Variants in SLC24A2 observed in about 807,000 individuals in gnomAD.
SLC24A2 encodes sodium/potassium/calcium exchanger 2.
In SLC24A2, 36 loss-of-function variants were observed where a neutral mutation model predicts 62.0. The ratio of observed to expected loss-of-function variants is 0.58; its 90% confidence interval spans 0.44 to 0.77. The LOEUF (loss-of-function observed/expected upper bound fraction) is 0.77. Ranked by LOEUF, SLC24A2 falls within the 30% of genes least tolerant of loss-of-function variation. SLC24A2 has a pLI of 0.00. For missense variants in SLC24A2, 846 were observed against 817.9 expected (o/e 1.03, Z -0.42); for synonymous variants, 358 against 294.0 (o/e 1.22, Z -2.23).
the SLC24A2 span, among the ~76,000 whole-genome samples, chr9:20,120,001 A>C: frequency 2.0e-5 from 3 of 152,186 alleles, no homozygotes; most frequent in African/African-American, 7.2e-5. Flanking sequence ...GAGCATCGGC[A>C]GGGCTGTGTT....
the SLC24A2 span, among the ~76,000 whole-genome samples, chr9:19,828,229 G>C: frequency 6.6e-6 from 1 of 152,120 alleles, no homozygotes; most frequent in South Asian, 2.1e-4. Flanking sequence ...GCACAACAGA[G>C]TGACCATCGT....
intron 5 of SLC24A2, among the ~76,000 whole-genome samples, chr9:19,592,856 T>TATCA (rs1394585927): frequency 1.3e-5 from 2 of 152,226 alleles, no homozygotes; most frequent in Non-Finnish European, 2.9e-5. Flanking sequence ...AAATATGCAG[T>TATCA]ATCACTGTAT....
chr9:19,766,127 C>T (rs529108754), intron 2 of SLC24A2, among the ~76,000 whole-genome samples: 30 of 152,238 alleles, frequency 2.0e-4, no homozygotes, highest in African/African-American at 7.0e-4. Flanking sequence ...AGTTCTTGTG[C>T]TGTGTTTTTC....
chr9:19,911,960 G>A, the SLC24A2 span, among the ~76,000 whole-genome samples: 1 of 152,100 alleles, frequency 6.6e-6, no homozygotes, highest in East Asian at 1.9e-4. Context: ...GAGCCTTTTA[G>A]TGTCTGAGAC....
the SLC24A2 span, among the ~76,000 whole-genome samples, chr9:19,936,786 T>C: frequency 1.3e-5 from 2 of 152,174 alleles, no homozygotes; most frequent in South Asian, 2.1e-4. Context: ...TCTAGAGATA[T>C]TATCTCAAGA....
chr9:20,227,779 A>G, the SLC24A2 span, among the ~76,000 whole-genome samples: 21,789 of 152,082 alleles, frequency 0.14, 2,815 homozygotes, highest in East Asian at 0.61. Flanking sequence ...TCCCATGTCT[A>G]TTGGGATAAT....
the SLC24A2 span, among the ~76,000 whole-genome samples, chr9:20,022,009 C>G: frequency 6.6e-6 from 1 of 152,138 alleles, no homozygotes; most frequent in African/African-American, 2.4e-5. Context: ...TCTTCCAATG[C>G]CTCCCCTAAA....
intron 5 of SLC24A2, among the ~76,000 whole-genome samples, chr9:19,594,749 TACA>T (rs1836657995): frequency 6.6e-6 from 1 of 152,226 alleles, no homozygotes; most frequent in African/African-American, 2.4e-5. Flanking sequence ...CCTTAAATTG[TACA>T]ACATGAAAGT....
intron 8 of SLC24A2, among the ~76,000 whole-genome samples, chr9:19,545,629 T>C (rs1834523224): frequency 6.6e-6 from 1 of 151,882 alleles, no homozygotes; most frequent in African/African-American, 2.4e-5. Context: ...GCTATTCCTA[T>C]TTTTTAGTTT....
chr9:19,517,587 G>C (rs968470613), intron 10 of SLC24A2, among the ~76,000 whole-genome samples: 10 of 152,094 alleles, frequency 6.6e-5, no homozygotes, highest in African/African-American at 2.4e-4. Context: ...TGTTAACCTG[G>C]GCCAAGCTGA....
the SLC24A2 span, among the ~76,000 whole-genome samples, chr9:20,221,302 T>A: frequency 4.6e-5 from 7 of 152,074 alleles, no homozygotes; most frequent in African/African-American, 1.7e-4. Context: ...GATACAGTGA[T>A]AGCAGTAAGA....
At chr9:19,939,643 A>G in the SLC24A2 span, among the ~76,000 whole-genome samples, 2 of 152,316 alleles carry the variant, frequency 1.3e-5, no homozygotes, top group African/African-American at 4.8e-5. Context: ...CTTAGGCTAC[A>G]CTAAATTTGT....
chr9:19,684,037 G>A (rs758924369), intron 2 of SLC24A2, among the ~76,000 whole-genome samples: 1 of 152,134 alleles, frequency 6.6e-6, no homozygotes, highest in African/African-American at 2.4e-5. Context: ...GGAACTCACT[G>A]GATTGAAAGA....
chr9:20,149,532 T>C, the SLC24A2 span, among the ~76,000 whole-genome samples: 3 of 151,722 alleles, frequency 2.0e-5, no homozygotes, highest in Non-Finnish European at 4.4e-5. Context: ...ATACAGACTA[T>C]AAAGTTTCCA....
the SLC24A2 span, among the ~76,000 whole-genome samples, chr9:19,954,981 A>AT: frequency 0.28 from 41,684 of 151,126 alleles, 6,104 homozygotes; most frequent in South Asian, 0.41. Context: ...GGAGGCTGCC[A>AT]TTTTTTTTTA....
the SLC24A2 span, among the ~76,000 whole-genome samples, chr9:19,937,944 A>G: frequency 1.3e-5 from 2 of 152,230 alleles, no homozygotes; most frequent in Non-Finnish European, 2.9e-5. Context: ...TACAAAAGCA[A>G]TATGTTTATT....
At chr9:19,643,510 T>C (rs1055665704) in intron 2 of SLC24A2, among the ~76,000 whole-genome samples, 3 of 152,150 alleles carry the variant, frequency 2.0e-5, no homozygotes, top group Non-Finnish European at 4.4e-5. Flanking sequence ...ATGCAGGGTG[T>C]TTGCTATTGA....
the SLC24A2 span, among the ~76,000 whole-genome samples, chr9:20,106,513 C>T: frequency 1.2e-4 from 19 of 152,330 alleles, no homozygotes; most frequent in African/African-American, 3.1e-4. Flanking sequence ...ATCAAGTGGG[C>T]TTCATCCCTG....
At chr9:19,565,506 G>T (rs9695040) in intron 7 of SLC24A2, among the ~76,000 whole-genome samples, 8 of 148,130 alleles carry the variant, frequency 5.4e-5, no homozygotes, top group Non-Finnish European at 1.1e-4. Context: ...CTCATGGGTA[G>T]GAAGAATCAA....
Sources: allele counts gnomAD v4.1 joint callset (sites outside exome capture counted in the v4.1 genomes callset), GRCh38; gene constraint gnomAD v4.1.1; transcripts MANE v1.5; gene names NCBI Gene and HGNC (gene_info 2026-07-23, HGNC 2026-07-21).